Variants in HDAC4 observed in about 807,000 individuals in gnomAD.
HDAC4 encodes the protein histone deacetylase A.
A neutral mutation model predicts 135.1 loss-of-function variants in HDAC4; 16 were observed. The ratio of observed to expected loss-of-function variants is 0.12; its 90% confidence interval spans 0.08 to 0.18. The LOEUF (loss-of-function observed/expected upper bound fraction) is 0.18. Ranked by LOEUF, HDAC4 falls within the 10% of genes least tolerant of loss-of-function variation. The probability of loss-of-function intolerance (pLI) is 1.00; values close to 1 mark genes in which losing one functional copy is unlikely to be tolerated. For synonymous variants in HDAC4, 685 were observed against 653.4 expected (o/e 1.05, Z -0.74); for missense variants, 1,143 against 1,511.8 (o/e 0.76, Z 4.05).
In HDAC4 at chr2:239,322,347, A is replaced by AC. The variant is rs201402903; in HGVS notation, c.22+30330dup. On this transcript the variant is annotated intron_variant, in intron 2 of 26. Transcript: ENST00000543185. ...ACTGGTTAAGAGTCAGTTGCTTGGC[A>AC]CAGCCCCTTGGGCCAGTGACTTCCT... 5.8e-3 allele frequency among the ~76,000 whole-genome samples: 881 copies of AC among 152,384 alleles called. 7 individuals carry two copies. Among genetic ancestry groups the AC allele is most frequent in the Non-Finnish European group, 8.7e-3 (593 of 68,038 alleles).
At chr2:239,394,935 A>G (rs189330723) in intron 1 of HDAC4, among the ~76,000 whole-genome samples, 5 of 152,374 alleles carry the variant, frequency 3.3e-5, no homozygotes, top group Admixed American at 3.3e-4. Flanking sequence ...GCATTAAACA[A>G]CTAAGGTCAC....
At chr2:239,311,386 A>G (rs376268989) in intron 2 of HDAC4, among the ~76,000 whole-genome samples, 2 of 152,210 alleles carry the variant, frequency 1.3e-5, no homozygotes, top group African/African-American at 2.4e-5. Flanking sequence ...TCAAGCGCCG[A>G]GCAAACAGTG....
intron 2 of HDAC4, among the ~76,000 whole-genome samples, chr2:239,250,682 A>G (rs1251709965): frequency 1.3e-5 from 2 of 152,204 alleles, no homozygotes; most frequent in African/African-American, 4.8e-5. Flanking sequence ...TGGCCTCTCC[A>G]AGGAGAAGGG....
At position 239,349,243 on chromosome 2, in the gene HDAC4, C is replaced by T. The variant is rs956236211; in HGVS notation, c.22+3435G>A. On this transcript the variant is annotated intron_variant, in intron 2 of 26. Coordinates refer to ENST00000543185, the MANE Select transcript of HDAC4 (RefSeq NM_001378414.1). This position sits in a 1 kb window ranked among gnomAD's most constrained non-coding sequence, Gnocchi z 5.7. ...AGCAGAGGACGGCACGAGAGACACA[C>T]GGAGGGAGGGGAGGTGCAGCCAGGT... Among the ~76,000 whole-genome samples, 2 of 152,094 alleles carry T rather than the reference C, an allele frequency of 1.3e-5. No homozygotes were observed. The highest frequency in any genetic ancestry group is 2.4e-5 in the African/African-American group (1 of 41,410).
rs1345986464 is a variant in HDAC4 at position 239,307,100 on chromosome 2, C to T, written c.22+45578G>A. ...GGCCCGAGTCGTCCGGATGGCCCATCTCAGGCCACACCCTCCAGCTCTGTG... is the reference window on the plus strand; with the variant it reads ...GGCCCGAGTCGTCCGGATGGCCCATTTCAGGCCACACCCTCCAGCTCTGTG... On this transcript the variant is annotated intron_variant, in intron 2 of 26. Coordinates refer to ENST00000543185, the MANE Select transcript of HDAC4 (RefSeq NM_001378414.1). This position sits in a 1 kb window ranked among gnomAD's most constrained non-coding sequence, Gnocchi z 4.8. Among the ~76,000 whole-genome samples, 1 of 152,112 alleles carries T rather than the reference C, an allele frequency of 6.6e-6. No homozygotes were observed. Among genetic ancestry groups the T allele is most frequent in the African/African-American group, 2.4e-5 (1 of 41,430 alleles).
rs2052782586 is a variant in HDAC4, at chr2:239,309,759, C to G, written c.22+42919G>C. 2.6e-5 allele frequency among the ~76,000 whole-genome samples: 4 copies of G among 152,234 alleles called. No individual in the cohort carries two copies. Among genetic ancestry groups the G allele is most frequent in the Non-Finnish European group, 5.9e-5 (4 of 68,040 alleles). On this transcript the variant is annotated intron_variant, in intron 2 of 26. Coordinates refer to ENST00000543185, the MANE Select transcript of HDAC4 (RefSeq NM_001378414.1). This position sits in a 1 kb window ranked among gnomAD's most constrained non-coding sequence, Gnocchi z 4.2. ...TCCCCCCACACACCATCCCCTTCCCCTTCGCTCATCTGGGGAAGCTGTGAG... is the reference window on the plus strand; with the variant it reads ...TCCCCCCACACACCATCCCCTTCCCGTTCGCTCATCTGGGGAAGCTGTGAG...
intron 16 of HDAC4, among the ~76,000 whole-genome samples, chr2:239,097,594 G>A (rs2037223293): frequency 6.6e-6 from 1 of 152,248 alleles, no homozygotes; most frequent in Admixed American, 6.5e-5. Flanking sequence ...TGGACGTGGG[G>A]CTGACCATGC....
At chr2:239,372,811 G>A (rs1045962239) in intron 1 of HDAC4, among the ~76,000 whole-genome samples, 3 of 152,012 alleles carry the variant, frequency 2.0e-5, no homozygotes, top group Non-Finnish European at 2.9e-5. Flanking sequence ...ACACACACAC[G>A]CACACACATG....
In HDAC4 at chr2:239,195,542, C is replaced by T. The variant is rs117225340; in HGVS notation, c.95-5465G>A. On this transcript the variant is annotated intron_variant, in intron 3 of 26. Transcript: ENST00000543185. ...TCGCATTCACGCATTCGTGCGCCTA[C>T]GGCTGTGTCAGACGTGACTTGTGCT... 1.1e-3 allele frequency among the ~76,000 whole-genome samples: 166 copies of T among 152,328 alleles called. 4 individuals carry two copies. The East Asian group carries it at 0.027, about 25-fold the overall frequency.
intron 1 of HDAC4, among the ~76,000 whole-genome samples, chr2:239,382,557 T>G (rs1197719584): frequency 6.6e-6 from 1 of 152,230 alleles, no homozygotes; most frequent in African/African-American, 2.4e-5. Context: ...TCTCAGAGAC[T>G]GAACCCCGGA....
intron 2 of HDAC4, among the ~76,000 whole-genome samples, chr2:239,321,365 T>C (rs2053302794): frequency 6.9e-6 from 1 of 144,192 alleles, no homozygotes; most frequent in Non-Finnish European, 1.5e-5. Flanking sequence ...CTCAGGAGGC[T>C]GAGGCAGGAC....
intron 2 of HDAC4, among the ~76,000 whole-genome samples, chr2:239,321,457 T>C (rs1363267480): frequency 4.8e-5 from 4 of 83,958 alleles, no homozygotes; most frequent in Admixed American, 2.2e-4. Context: ...AGAGCAAGAC[T>C]CCGTCTCAAA....
At chr2:239,070,160 C>T (rs755582742) in intron 22 of HDAC4, among the ~76,000 whole-genome samples, 7 of 151,922 alleles carry the variant, frequency 4.6e-5, no homozygotes, top group Non-Finnish European at 1.0e-4. Flanking sequence ...TGAGTGTGGC[C>T]GAGAGGGCGG....
Position 239,206,251 on chromosome 2 carries a change from G to A in HDAC4, c.95-16174C>T, listed in dbSNP as rs183567524. ...GCTGAGGCGGGAAGATGGCCTGAGC[G>A]TGGGAGGCAGAGGCTGCAGTGAGCT... On this transcript the variant is annotated intron_variant, in intron 3 of 26. Transcript: ENST00000543185. Among the ~76,000 whole-genome samples, 13 of 152,284 alleles carry A rather than the reference G, an allele frequency of 8.5e-5. No homozygotes were observed. The East Asian group carries it at 9.6e-4, about 11-fold the overall frequency.
chr2:239,323,285 G>C (rs1465193124), intron 2 of HDAC4, among the ~76,000 whole-genome samples: 5 of 152,172 alleles, frequency 3.3e-5, no homozygotes, highest in Non-Finnish European at 7.3e-5. Flanking sequence ...GAAAAAGAGA[G>C]AGAGCTCCTG....
intron 1 of HDAC4, among the ~76,000 whole-genome samples, chr2:239,353,385 C>T (rs1361688536): frequency 6.6e-6 from 1 of 152,198 alleles, no homozygotes; most frequent in Non-Finnish European, 1.5e-5. Context: ...TCTACAAATA[C>T]GAGCAGTGGG....
rs111549246 is a variant in HDAC4, at chr2:239,156,506, G to A, written c.733+146C>T. ...ATGTTTAGGGATATCTTTTAAAAACGATGCTCTATGAAAGGAGAAAATATT... is the reference window on the plus strand; with the variant it reads ...ATGTTTAGGGATATCTTTTAAAAACAATGCTCTATGAAAGGAGAAAATATT... On this transcript the variant is annotated intron_variant, in intron 7 of 26. Coordinates refer to ENST00000543185, the MANE Select transcript of HDAC4 (RefSeq NM_001378414.1). 347 of 961,988 alleles carry A rather than the reference G, an allele frequency of 3.6e-4. 2 individuals carry two copies. The African/African-American group carries it at 4.7e-3, about 13-fold the overall frequency. 59.6% of individuals were successfully genotyped at this position (961,988 alleles called of 1,614,324 possible).
intron 2 of HDAC4, among the ~76,000 whole-genome samples, chr2:239,250,279 C>T (rs1014590826): frequency 2.6e-5 from 4 of 152,332 alleles, no homozygotes; most frequent in South Asian, 2.1e-4. Context: ...CCCAGGGGTC[C>T]GAGAGGAGAG....
chr2:239,391,349 CG>C (rs1403817327), intron 1 of HDAC4, among the ~76,000 whole-genome samples: 1 of 152,156 alleles, frequency 6.6e-6, no homozygotes, highest in East Asian at 1.9e-4. Flanking sequence ...TAAGGTCCTT[CG>C]GGGAGACGTC....
Sources: gnomAD v4.1 joint callset for allele counts (sites outside exome capture counted in the v4.1 genomes callset) on GRCh38, gnomAD v4.1.1 for gene constraint, Gnocchi (gnomAD v3.1) non-coding constraint, MANE v1.5 for transcripts, NCBI Gene and HGNC (gene_info 2026-07-23, HGNC 2026-07-21) for gene names.